The following CCSER1 variants were observed in gnomAD, a reference collection of about 807,000 sequenced individuals.
CCSER1 encodes serine-rich coiled-coil domain-containing protein 1.
A neutral mutation model predicts 82.0 loss-of-function variants in CCSER1; 41 were observed. The ratio of observed to expected loss-of-function variants is 0.50; its 90% confidence interval spans 0.39 to 0.65. The LOEUF is 0.65. CCSER1 is among the 30% of genes least tolerant of loss of function. The pLI is 0.00. For missense variants in CCSER1, 1,119 were observed against 1,064.2 expected (o/e 1.05, Z -0.72); for synonymous variants, 414 against 383.9 (o/e 1.08, Z -0.92).
chr4:90,710,076 G>A (rs1007823284), intron 6 of CCSER1, among the ~76,000 whole-genome samples: 1 of 151,628 alleles, frequency 6.6e-6, no homozygotes, highest in South Asian at 2.1e-4. Context: ...TTGGCTGCAT[G>A]TATGTCTTCT....
chr4:90,849,769 A>G (rs1416526623), intron 8 of CCSER1, among the ~76,000 whole-genome samples: 1 of 150,414 alleles, frequency 6.6e-6, no homozygotes. Flanking sequence ...AGCCTGGGCA[A>G]CAGTGCAAAA....
At chr4:90,925,544 C>T (rs1728952000) in intron 9 of CCSER1, among the ~76,000 whole-genome samples, 1 of 152,156 alleles carries the variant, frequency 6.6e-6, no homozygotes, top group South Asian at 2.1e-4. Flanking sequence ...GAATGAACGA[C>T]ACCTCTGGGG....
chr4:91,558,386 T>TA (rs1762502057), intron 10 of CCSER1, among the ~76,000 whole-genome samples: 1 of 151,744 alleles, frequency 6.6e-6, no homozygotes, highest in South Asian at 2.1e-4. Flanking sequence ...TAGAGTATTT[T>TA]AGCACTGTAT....
At position 90,758,455 on chromosome 4, in the gene CCSER1, C is replaced by T. The variant is rs375800041; in HGVS notation, c.2010+34464C>T. Among the ~76,000 whole-genome samples the T allele has an allele frequency of 9.9e-5, 15 of 151,624 alleles. No homozygotes were observed. In the East Asian group the frequency reaches 1.7e-3, roughly 18 times the overall value. ...TTATGATTCAATATATATAAATATC[C>T]AAATACATAAATACATGATAGGTGA... On this transcript the variant is annotated intron_variant, in intron 7 of 10. Coordinates refer to ENST00000509176, the MANE Select transcript of CCSER1 (RefSeq NM_001145065.2).
At chr4:90,492,984 C>T (rs1015231173) in intron 5 of CCSER1, among the ~76,000 whole-genome samples, 9 of 152,094 alleles carry the variant, frequency 5.9e-5, no homozygotes, top group South Asian at 2.1e-4. Flanking sequence ...GGAGGAAGTT[C>T]GAACCCTTTG....
chr4:91,262,249 C>T lies in CCSER1; in HGVS notation c.2217+176255C>T, dbSNP rs1162407908. On this transcript the variant is annotated intron_variant, in intron 10 of 10. Transcript: ENST00000509176. ...GATGAGGATAAAAATAAATCTACCT[C>T]TTAAGTTTCTTGTGAGTTTACAATA... Among the ~76,000 whole-genome samples, 8 of 152,022 alleles carry T rather than the reference C, an allele frequency of 5.3e-5. No homozygotes were observed. In the South Asian group the frequency reaches 1.0e-3, roughly 20 times the overall value.
chr4:90,360,708 G>T (rs1366869267), intron 3 of CCSER1, among the ~76,000 whole-genome samples: 1 of 151,768 alleles, frequency 6.6e-6, no homozygotes, highest in Non-Finnish European at 1.5e-5. Context: ...GCAGAAAAGA[G>T]TTGTTCATGG....
intron 1 of CCSER1, among the ~76,000 whole-genome samples, chr4:90,129,078 G>A (rs889143949): frequency 6.6e-5 from 10 of 151,992 alleles, no homozygotes; most frequent in South Asian, 2.1e-4. Context: ...GGTTTCAACA[G>A]CTTTCATTTC....
intron 7 of CCSER1, among the ~76,000 whole-genome samples, chr4:90,771,647 AAT>A (rs1752191914): frequency 2.6e-5 from 4 of 151,840 alleles, no homozygotes; most frequent in Admixed American, 2.6e-4. Flanking sequence ...ACAACTTTAA[AAT>A]ATTTTATATT....
At chr4:91,394,284 A>T (rs1227823617) in intron 10 of CCSER1, among the ~76,000 whole-genome samples, 1 of 152,142 alleles carries the variant, frequency 6.6e-6, no homozygotes, top group Non-Finnish European at 1.5e-5. Flanking sequence ...TAACAAAGTA[A>T]ATGAGGGTAG....
intron 10 of CCSER1, among the ~76,000 whole-genome samples, chr4:91,547,955 GTATTTT>G (rs1216853139): frequency 2.0e-5 from 3 of 151,792 alleles, no homozygotes; most frequent in Non-Finnish European, 4.4e-5. Flanking sequence ...CTAACTTTTT[GTATTTT>G]TAGTAGAGAT....
chr4:90,861,367 G>A (rs1765065045), intron 8 of CCSER1, among the ~76,000 whole-genome samples: 1 of 151,612 alleles, frequency 6.6e-6, no homozygotes, highest in South Asian at 2.1e-4. Context: ...AATTCCAAAA[G>A]CAATAACACA....
At chr4:90,819,005 C>A (rs963677707) in intron 8 of CCSER1, among the ~76,000 whole-genome samples, 2 of 152,170 alleles carry the variant, frequency 1.3e-5, no homozygotes, top group Admixed American at 6.5e-5. Flanking sequence ...GTGGCTTAAA[C>A]AACTAAAGTC....
In CCSER1 at chr4:90,709,772, T is replaced by A. The variant is rs186829151; in HGVS notation, c.1933-14142T>A. Among the ~76,000 whole-genome samples the A allele has an allele frequency of 4.6e-3, 706 of 152,248 alleles. 6 individuals carry two copies. Among genetic ancestry groups the A allele is most frequent in the African/African-American group, 0.017 (687 of 41,530 alleles). ...GCATGCATGTATCTTTATAATAGAA[T>A]GATTTATATTTCTTTGGGTATATAC... On this transcript the variant is annotated intron_variant, in intron 6 of 10. Coordinates refer to ENST00000509176, the MANE Select transcript of CCSER1 (RefSeq NM_001145065.2).
At chr4:90,248,505 CA>C (rs1335226071) in intron 1 of CCSER1, among the ~76,000 whole-genome samples, 1 of 152,130 alleles carries the variant, frequency 6.6e-6, no homozygotes, top group Non-Finnish European at 1.5e-5. Flanking sequence ...TAGAGAGCTT[CA>C]AAAGCTTGGG....
intron 5 of CCSER1, among the ~76,000 whole-genome samples, chr4:90,591,843 G>A (rs973360860): frequency 5.9e-5 from 9 of 152,094 alleles, no homozygotes; most frequent in Non-Finnish European, 1.2e-4. Context: ...ACCACGGAAT[G>A]CCACGCTGCC....
intron 5 of CCSER1, among the ~76,000 whole-genome samples, chr4:90,607,761 G>T (rs1784919387): frequency 6.6e-6 from 1 of 152,026 alleles, no homozygotes; most frequent in African/African-American, 2.4e-5. Flanking sequence ...TATAAATTTT[G>T]GGGAGACACA....
intron 8 of CCSER1, among the ~76,000 whole-genome samples, chr4:90,903,700 C>T (rs1020456385): frequency 7.2e-5 from 11 of 151,870 alleles, no homozygotes; most frequent in Admixed American, 7.2e-4. Context: ...TAGCCAGATG[C>T]ATTGGCAGGT....
Position 91,429,743 on chromosome 4 carries a change from C to T in CCSER1, c.2218-168829C>T, listed in dbSNP as rs532454243. On this transcript the variant is annotated intron_variant, in intron 10 of 10. Coordinates refer to ENST00000509176, the MANE Select transcript of CCSER1 (RefSeq NM_001145065.2). ...ATGTTGTCATGAGTAAAATCTCAAG[C>T]ATAAGAATTTTATTATATTTTCATC... Among the ~76,000 whole-genome samples the T allele has an allele frequency of 2.6e-5, 4 of 151,856 alleles. No individual in the cohort carries two copies. In the South Asian group the frequency reaches 8.3e-4, roughly 32 times the overall value.
Sources: allele counts gnomAD v4.1 joint callset (sites outside exome capture counted in the v4.1 genomes callset), GRCh38; gene constraint gnomAD v4.1.1; transcripts MANE v1.5; gene names NCBI Gene and HGNC (gene_info 2026-07-23, HGNC 2026-07-21).